The following CNTNAP5 variants were observed in gnomAD, a reference collection of about 807,000 sequenced individuals.
CNTNAP5 encodes the protein contactin-associated protein-like 5.
A neutral mutation model predicts 150.2 loss-of-function variants in CNTNAP5; 72 were observed. The ratio of observed to expected loss-of-function variants is 0.48; its 90% CI spans 0.40 to 0.58. The LOEUF (loss-of-function observed/expected upper bound fraction) is 0.58. Among genes scored for constraint, CNTNAP5 ranks in the 20% least tolerant of loss-of-function variants. The pLI, the probability that CNTNAP5 is intolerant of heterozygous loss-of-function variation, is 0.00. For missense variants in CNTNAP5, 1,636 were observed against 1,626.2 expected (o/e 1.01, Z -0.10); for synonymous variants, 672 against 619.8 (o/e 1.08, Z -1.25).
Position 124,524,315 on chromosome 2 carries a change from A to T in CNTNAP5, c.1340A>T (p.Asn447Ile). 6.2e-7 allele frequency: 1 copy of T among 1,613,772 alleles called. No individual in the cohort carries two copies. Among genetic ancestry groups the T allele is most frequent in the Non-Finnish European group, 8.5e-7 (1 of 1,179,784 alleles). ...GTTTCTCTTGCAGGCAGCAACTTGA[A>T]TGATGGCCTGTGGCACTCGGTTAGC... ...VAEILTGSNLNDGLWHSVSIN... is the reference protein window; with the variant it reads ...VAEILTGSNLIDGLWHSVSIN... The change falls in exon 9 of 24, where the codon AAT becomes ATT. Residue 447 changes from asparagine to isoleucine, a missense_variant. Coordinates refer to ENST00000682447, the MANE Select transcript of CNTNAP5 (RefSeq NM_001367498.1).
rs559334674 is a variant in CNTNAP5 at position 124,395,788 on chromosome 2, C to T, written c.382-21655C>T. On this transcript the variant is annotated intron_variant, in intron 3 of 23. Transcript: ENST00000682447. ...ATATATTTATATGTCTACACACACACGTGCACGCACATACACATACACACT... is the reference window on the plus strand; with the variant it reads ...ATATATTTATATGTCTACACACACATGTGCACGCACATACACATACACACT... Among the ~76,000 whole-genome samples, 7 of 152,274 alleles carry T rather than the reference C, an allele frequency of 4.6e-5. No homozygotes were observed. The East Asian group carries it at 9.7e-4, about 21-fold the overall frequency.
intron 14 of CNTNAP5, among the ~76,000 whole-genome samples, chr2:124,758,706 T>C (rs1680893255): frequency 6.6e-6 from 1 of 151,684 alleles, no homozygotes; most frequent in South Asian, 2.1e-4. Flanking sequence ...AGTAACTAGA[T>C]TGAGAGATAG....
intron 3 of CNTNAP5, among the ~76,000 whole-genome samples, chr2:124,411,166 C>G (rs938786151): frequency 6.6e-6 from 1 of 152,128 alleles, no homozygotes; most frequent in African/African-American, 2.4e-5. Flanking sequence ...TACACTCTCC[C>G]AAGTCTAAAC....
chr2:124,908,884 ATCT>A (rs1223059143), intron 22 of CNTNAP5, among the ~76,000 whole-genome samples: 2 of 152,138 alleles, frequency 1.3e-5, no homozygotes, highest in African/African-American at 2.4e-5. Flanking sequence ...AATAGAAAAA[ATCT>A]TCTAGCAAAA....
At chr2:124,410,952 G>C (rs1365394295) in intron 3 of CNTNAP5, among the ~76,000 whole-genome samples, 2 of 151,838 alleles carry the variant, frequency 1.3e-5, no homozygotes, top group Non-Finnish European at 2.9e-5. Flanking sequence ...CTGGTTTTTT[G>C]AAAGGATCAA....
intron 13 of CNTNAP5, among the ~76,000 whole-genome samples, chr2:124,717,332 A>G (rs1386065608): frequency 6.6e-6 from 1 of 152,206 alleles, no homozygotes; most frequent in Non-Finnish European, 1.5e-5. Context: ...TGGAATTTGT[A>G]TCAGTTTAAT....
intron 6 of CNTNAP5, among the ~76,000 whole-genome samples, chr2:124,451,781 C>A (rs1419747641): frequency 6.6e-6 from 1 of 152,092 alleles, no homozygotes; most frequent in Non-Finnish European, 1.5e-5. Flanking sequence ...TGAACACAAA[C>A]CCCCACTGGG....
At chr2:124,885,560 C>T (rs905099226) in intron 21 of CNTNAP5, among the ~76,000 whole-genome samples, 6 of 138,460 alleles carry the variant, frequency 4.3e-5, no homozygotes, top group African/African-American at 9.2e-5. Flanking sequence ...CACACACACA[C>T]ACACACACAC....
chr2:124,436,759 T>A (rs1692541204), intron 5 of CNTNAP5, among the ~76,000 whole-genome samples: 1 of 152,196 alleles, frequency 6.6e-6, no homozygotes, highest in South Asian at 2.1e-4. Flanking sequence ...TGGTGGTGAT[T>A]AAGTAAAACC....
At chr2:124,527,916 G>T (rs939249962) in intron 10 of CNTNAP5, among the ~76,000 whole-genome samples, 3 of 152,098 alleles carry the variant, frequency 2.0e-5, no homozygotes, top group African/African-American at 4.8e-5. Flanking sequence ...CCTGGGTTTG[G>T]CTGGTTTTTG....
intron 1 of CNTNAP5, among the ~76,000 whole-genome samples, chr2:124,036,219 C>T (rs576873335): frequency 1.3e-5 from 2 of 151,944 alleles, no homozygotes; most frequent in African/African-American, 4.8e-5. Context: ...CCACCGCGCC[C>T]GGCCTCCCAG....
chr2:124,733,876 T>C (rs1336526753), intron 13 of CNTNAP5, among the ~76,000 whole-genome samples: 1 of 151,512 alleles, frequency 6.6e-6, no homozygotes, highest in Non-Finnish European at 1.5e-5. Flanking sequence ...TGGGGGAGAG[T>C]GTTAATACGA....
intron 3 of CNTNAP5, among the ~76,000 whole-genome samples, chr2:124,277,720 T>G (rs1159197205): frequency 6.6e-6 from 1 of 152,126 alleles, no homozygotes; most frequent in Non-Finnish European, 1.5e-5. Flanking sequence ...CAAGAACAGC[T>G]CTAATGGAGG....
chr2:124,026,837 A>G (rs1680905588), intron 1 of CNTNAP5, among the ~76,000 whole-genome samples: 1 of 152,232 alleles, frequency 6.6e-6, no homozygotes, highest in Admixed American at 6.5e-5. Flanking sequence ...TACTTACCAC[A>G]TAGGGACCTT....
intron 13 of CNTNAP5, among the ~76,000 whole-genome samples, chr2:124,664,723 A>G (rs1338810444): frequency 1.3e-5 from 2 of 152,164 alleles, no homozygotes; most frequent in Admixed American, 1.3e-4. Context: ...TTTTGCTCTT[A>G]TCACCCAGGC....
At chr2:124,818,456 G>GGT (rs1482130243) in intron 19 of CNTNAP5, among the ~76,000 whole-genome samples, 1 of 152,040 alleles carries the variant, frequency 6.6e-6, no homozygotes, top group African/African-American at 2.4e-5. Flanking sequence ...GAGCCCAAGG[G>GGT]GGGTTTGCAT....
intron 14 of CNTNAP5, among the ~76,000 whole-genome samples, chr2:124,761,994 A>G (rs893273303): frequency 9.9e-5 from 15 of 152,048 alleles, no homozygotes; most frequent in Admixed American, 9.2e-4. Flanking sequence ...AAATGGAGAG[A>G]CATACAATTC....
chr2:124,605,833 AGAAG>A (rs1697094953), intron 11 of CNTNAP5, among the ~76,000 whole-genome samples: 2 of 68,826 alleles, frequency 2.9e-5, no homozygotes, highest in African/African-American at 1.3e-4. Context: ...AAAAAAAAAA[AGAAG>A]GAAAGAAAGA....
intron 3 of CNTNAP5, among the ~76,000 whole-genome samples, chr2:124,313,991 C>T (rs1311374540): frequency 6.6e-6 from 1 of 152,204 alleles, no homozygotes; most frequent in Non-Finnish European, 1.5e-5. Flanking sequence ...TGAAAATATA[C>T]TGCATTATAT....
Sources: gnomAD v4.1 joint callset for allele counts (sites outside exome capture counted in the v4.1 genomes callset) on GRCh38, gnomAD v4.1.1 for gene constraint, MANE v1.5 for transcripts, NCBI Gene and HGNC (gene_info 2026-07-23, HGNC 2026-07-21) for gene names.